Variants in WBP2NL observed in about 807,000 individuals in gnomAD.
WBP2NL encodes WBP2 N-terminal like.
Under a neutral mutation model 23.3 loss-of-function variants are expected in WBP2NL, and 27 were observed. That is an observed-to-expected ratio of 1.16 (90% confidence interval 0.85 to 1.60). WBP2NL has a LOEUF of 1.60. Ranked by LOEUF, WBP2NL falls within the 40% of genes most tolerant of loss-of-function variation. WBP2NL has a pLI of 0.00. For missense variants in WBP2NL, 370 were observed against 389.5 expected, an observed-to-expected ratio of 0.95 and a Z score of 0.42; for synonymous variants, 151 against 145.9, an observed-to-expected ratio of 1.03 and a Z score of -0.25.
intron 1 of WBP2NL, among the ~76,000 whole-genome samples, chr22:42,009,866 G>C (rs953325444): frequency 1.2e-4 from 19 of 152,058 alleles, no homozygotes; most frequent in African/African-American, 3.6e-4. Context: ...GATTTGGTAG[G>C]GATTGTGTTG....
Position 42,019,710 on chromosome 22 carries a change from A to G in WBP2NL, c.220A>G (p.Met74Val). ...CATCAGTGATCCCATGTTGTCTTTT[A>G]TGATGCCATTTGATCTGATGACGAA... ...CSISDPMLSF[M>V]MPFDLMTNLT... The change falls in exon 3 of 6, where the codon ATG (methionine) becomes GTG (valine). Residue 74 changes from methionine to valine, a missense_variant. By Grantham distance (21) the Met-to-Val change is conservative. Coordinates refer to ENST00000328823, the MANE Select transcript of WBP2NL (RefSeq NM_152613.3). 6.2e-7 allele frequency: 1 copy of G among 1,614,172 alleles called. No individual in the cohort carries two copies. Among genetic ancestry groups the G allele is most frequent in the Non-Finnish European group, 8.5e-7 (1 of 1,180,038 alleles).
At chr22:42,019,601 G>T in intron 2 of WBP2NL, 61 bp from the exon 3 acceptor site, 2 of 1,604,632 alleles carry the variant, frequency 1.2e-6, no homozygotes, top group Non-Finnish European at 1.7e-6. Flanking sequence ...CCTTGCTCTT[G>T]TAAGTCTCAA....
At chr22:42,002,049 C>A in intron 1 of WBP2NL, 1 of 488,962 alleles carries the variant, frequency 2.0e-6, no homozygotes, top group Admixed American at 3.8e-5. Flanking sequence ...GAAGTCATTT[C>A]TAATTTGGTG....
chr22:42,016,227 C>T (rs904764393), intron 1 of WBP2NL, among the ~76,000 whole-genome samples: 3 of 151,978 alleles, frequency 2.0e-5, no homozygotes, highest in South Asian at 2.1e-4. Flanking sequence ...GTAATCCTCC[C>T]GCCTCAGCCT....
downstream of WBP2NL, chr22:42,030,974 C>G (rs1479319635): frequency 6.6e-6 from 1 of 152,138 alleles, no homozygotes; most frequent in Non-Finnish European, 1.5e-5. Context: ...ATACTTGTAC[C>G]AGGTAGATTT....
chr22:42,004,906 A>T (rs1008883657), intron 1 of WBP2NL, among the ~76,000 whole-genome samples: 1 of 151,966 alleles, frequency 6.6e-6, no homozygotes, highest in Non-Finnish European at 1.5e-5. Flanking sequence ...CCTGGTCAAC[A>T]AGAGCAAAAC....
chr22:42,055,278 C>T (rs1197505582), intron 8 of WBP2NL, among the ~76,000 whole-genome samples: 1 of 152,114 alleles, frequency 6.6e-6, no homozygotes, highest in Non-Finnish European at 1.5e-5. Flanking sequence ...AGGGTTCAAG[C>T]GATTTTCCGC....
intron 8 of WBP2NL, among the ~76,000 whole-genome samples, chr22:42,041,075 G>C (rs1925383037): frequency 6.6e-6 from 1 of 152,074 alleles, no homozygotes; most frequent in South Asian, 2.1e-4. Context: ...ATATATTTAA[G>C]TGCTCTGATG....
At chr22:42,003,536 T>C (rs1921911662) in intron 1 of WBP2NL, 1 of 151,914 alleles carries the variant, frequency 6.6e-6, no homozygotes, top group African/African-American at 2.4e-5. Context: ...TAAAAATAAA[T>C]TTTTTTTAAA....
chr22:42,021,789 C>CTT (rs11413615), intron 4 of WBP2NL, among the ~76,000 whole-genome samples: 2,050 of 132,652 alleles, frequency 0.015, 82 homozygotes, highest in African/African-American at 0.053. Context: ...TTCTTTCTTT[C>CTT]TTTTTTTTTT....
chr22:42,006,750 C>T (rs1782444813), intron 1 of WBP2NL, among the ~76,000 whole-genome samples: 1 of 152,152 alleles, frequency 6.6e-6, no homozygotes, highest in South Asian at 2.1e-4. Context: ...ATTCCATGAA[C>T]TGTTCGGAGT....
chr22:42,034,555 TTGA>T (rs1434295693), downstream of WBP2NL, among the ~76,000 whole-genome samples: 4 of 152,218 alleles, frequency 2.6e-5, no homozygotes, highest in Non-Finnish European at 5.9e-5. Flanking sequence ...ACCATTGTCA[TTGA>T]TAACATCTTA....
chr22:42,009,224 T>C (rs1267816044), intron 1 of WBP2NL, among the ~76,000 whole-genome samples: 5 of 152,238 alleles, frequency 3.3e-5, no homozygotes, highest in Non-Finnish European at 7.3e-5. Flanking sequence ...TAAGCCCTTA[T>C]CATAAATACA....
intron 5 of WBP2NL, among the ~76,000 whole-genome samples, chr22:42,025,276 C>T (rs1175925687): frequency 6.6e-6 from 1 of 152,220 alleles, no homozygotes; most frequent in Non-Finnish European, 1.5e-5. Flanking sequence ...TTGTCCAACC[C>T]ATGGCCCAGG....
intron 5 of WBP2NL, among the ~76,000 whole-genome samples, chr22:42,025,106 A>C (rs1406859510): frequency 2.6e-5 from 4 of 152,218 alleles, no homozygotes; most frequent in Admixed American, 2.6e-4. Context: ...AATGGCTTTT[A>C]ATGCACAAAG....
intron 8 of WBP2NL, among the ~76,000 whole-genome samples, chr22:42,045,161 G>A (rs1199573594): frequency 3.3e-5 from 5 of 151,998 alleles, no homozygotes; most frequent in African/African-American, 4.8e-5. Flanking sequence ...AACCTCGGCC[G>A]GGCGCGGTGG....
chr22:42,004,991 G>A (rs879501355), intron 1 of WBP2NL, among the ~76,000 whole-genome samples: 5 of 151,646 alleles, frequency 3.3e-5, no homozygotes, highest in Non-Finnish European at 5.9e-5. Context: ...GGCCAAGGTG[G>A]GCAGATCACA....
At chr22:42,054,715 T>TAAAAA (rs57938269) in intron 8 of WBP2NL, among the ~76,000 whole-genome samples, 12 of 139,188 alleles carry the variant, frequency 8.6e-5, no homozygotes, top group African/African-American at 3.1e-4. Flanking sequence ...AGTACCTTTG[T>TAAAAA]AAAAAAAAAA....
intron 8 of WBP2NL, among the ~76,000 whole-genome samples, chr22:42,038,911 T>C (rs1925291270): frequency 6.6e-6 from 1 of 151,362 alleles, no homozygotes; most frequent in Non-Finnish European, 1.5e-5. Context: ...GCTGGATTTT[T>C]TTTTTCTTTT....
Sources: allele counts gnomAD v4.1 joint callset (sites outside exome capture counted in the v4.1 genomes callset), GRCh38; gene constraint gnomAD v4.1.1; transcripts MANE v1.5; gene names NCBI Gene and HGNC (gene_info 2026-07-23, HGNC 2026-07-21).